The following MADD variants were observed in gnomAD, a reference collection of about 807,000 sequenced individuals.
The protein encoded by MADD is MAP kinase-activating death domain protein.
MADD carries 109 observed loss-of-function variants against 176.7 expected under a neutral mutation model. That is an observed-to-expected ratio of 0.62 (90% CI 0.53 to 0.72). MADD has a LOEUF of 0.72. Among genes scored for constraint, MADD ranks in the 30% least tolerant of loss-of-function variants. The pLI, the probability that MADD is intolerant of heterozygous loss-of-function variation, is 0.00. For missense variants in MADD, 1,914 were observed against 2,045.5 expected (o/e 0.94, Z 1.24); for synonymous variants, 771 against 771.3 (o/e 1.00, Z 0.01).
At position 47,303,239 on chromosome 11, in the gene MADD, G is replaced by GTTT. The variant is rs35658298; in HGVS notation, c.3643-5334_3643-5332dup. Reference sequence around the variant, plus strand: ...TGTGACTTAACACTTTTCTCTTGCTGTTTTTTTTTTTTTTTTTTTTGAGAC... The same window carrying GTTT: ...TGTGACTTAACACTTTTCTCTTGCTGTTTTTTTTTTTTTTTTTTTTTTTGAGAC... On this transcript the variant is annotated intron_variant, in intron 22 of 32. Coordinates refer to ENST00000402192, the Ensembl canonical transcript of MADD. 1.7e-3 allele frequency among the ~76,000 whole-genome samples: 187 copies of GTTT among 108,116 alleles called. 3 individuals carry two copies. Among genetic ancestry groups the GTTT allele is most frequent in the Non-Finnish European group, 2.7e-3 (153 of 55,986 alleles). 70.9% of individuals were successfully genotyped at this position (108,116 alleles called of 152,430 possible).
In MADD at chr11:47,272,939, C is replaced by A. The variant is rs910673907; in HGVS notation, c.-88-888C>A. ...GTAGCAGTGGCCTCTGGGCTCCTTT[C>A]TTGCCTGAAGGAGGGAGAAAAGTGG... On this transcript the variant is annotated intron_variant, in intron 1 of 32. Coordinates refer to ENST00000402192, the Ensembl canonical transcript of MADD. 7.9e-5 allele frequency among the ~76,000 whole-genome samples: 12 copies of A among 152,322 alleles called. No individual in the cohort carries two copies. In the East Asian group the frequency reaches 1.2e-3, roughly 15 times the overall value.
At chr11:47,283,566 A>G (rs2058577627) in intron 10 of MADD, among the ~76,000 whole-genome samples, 1 of 151,408 alleles carries the variant, frequency 6.6e-6, no homozygotes, top group Non-Finnish European at 1.5e-5. Flanking sequence ...TTGCCTGGCT[A>G]ATTTTTGTAT....
At chr11:47,296,200 A>G (rs745922425) in intron 22 of MADD, 145 bp downstream of exon 24, 2 of 963,608 alleles carry the variant, frequency 2.1e-6, no homozygotes, top group East Asian at 2.6e-5. Flanking sequence ...TTTAAGGAAA[A>G]CATTTCTTAA....
chr11:47,290,316 C>G lies in MADD; in HGVS notation c.3094+17C>G, dbSNP rs41313493. 6.2e-4 allele frequency: 1,006 copies of G among 1,610,588 alleles called. No homozygotes were observed. The highest frequency in any genetic ancestry group is 8.2e-4 in the Non-Finnish European group (963 of 1,177,468). ...ATAGTAAAGGTAGGGATCGTACTTGCTGGGCACCACGCCATCCCTAACTCT... is the reference window on the plus strand; with the variant it reads ...ATAGTAAAGGTAGGGATCGTACTTGGTGGGCACCACGCCATCCCTAACTCT... On this transcript the variant is annotated intron_variant, in intron 18 of 32. Coordinates refer to ENST00000402192, the Ensembl canonical transcript of MADD.
At chr11:47,280,601 G>C (rs888911172) in intron 7 of MADD, among the ~76,000 whole-genome samples, 7 of 152,134 alleles carry the variant, frequency 4.6e-5, no homozygotes, top group African/African-American at 1.4e-4. Context: ...GTCCCACTCT[G>C]TCACCCAGGC....
At chr11:47,286,987 A>T (rs1281794374) in intron 15 of MADD, among the ~76,000 whole-genome samples, 1 of 152,204 alleles carries the variant, frequency 6.6e-6, no homozygotes, top group Non-Finnish European at 1.5e-5. Flanking sequence ...CCAGGGCTTA[A>T]TGAGTGCGCC....
rs750866697 is a variant in MADD at position 47,309,422 on chromosome 11, T to C, written c.3872+21T>C. On this transcript the variant is annotated intron_variant, in intron 24 of 32. Transcript: ENST00000402192. ...GACAGGTATGGGGCTTAGGAAACCA[T>C]TGGGAATCAGCAAACTCAGCCTCCT... 1.9e-5 allele frequency: 31 copies of C among 1,614,050 alleles called. No homozygotes were observed. In the Middle Eastern group the frequency reaches 9.9e-4, roughly 52 times the overall value.
chr11:47,311,635 C>T, intron 25 of MADD, 97 bp from the exon 29 acceptor site: 2 of 755,796 alleles, frequency 2.6e-6, no homozygotes, highest in Non-Finnish European at 4.7e-6. Flanking sequence ...TTCCACTTCT[C>T]TCAGATGGTG....
At chr11:47,328,404 G>A (rs552672408) in intron 31 of MADD, 352 of 1,406,672 alleles carry the variant, frequency 2.5e-4, no homozygotes, top group South Asian at 1.5e-3. Context: ...GTAGAATCAC[G>A]GCCATCAAGT....
chr11:47,306,202 G>A (rs1185702117), intron 22 of MADD, among the ~76,000 whole-genome samples: 1 of 152,114 alleles, frequency 6.6e-6, no homozygotes, highest in Non-Finnish European at 1.5e-5. Flanking sequence ...GGGGTAGGTG[G>A]AGTGGCTCTG....
chr11:47,295,519 C>A (rs200080587), exon 21 of MADD: 3 of 1,614,054 alleles, frequency 1.9e-6, no homozygotes, highest in Non-Finnish European at 2.5e-6. Flanking sequence ...ACTCTGTCAT[C>A]GGCGTGAGTC....
At chr11:47,278,920 C>A in intron 6 of MADD, 79 bp from the exon 7 acceptor site, 1 of 1,175,306 alleles carries the variant, frequency 8.5e-7, no homozygotes, top group Non-Finnish European at 1.3e-6. Context: ...TATATACGTC[C>A]TCTTATTTTT....
chr11:47,275,162 A>T lies in MADD; in HGVS notation c.659+3A>T. Reference sequence around the variant, plus strand: ...GGCATCCCTCGAGGCGTACAAAGGTACAGTTTGCTGCTGATGCCTAATGGG... The same window carrying T: ...GGCATCCCTCGAGGCGTACAAAGGTTCAGTTTGCTGCTGATGCCTAATGGG... On this transcript the variant is annotated splice_donor_region_variant and intron_variant, in intron 3 of 32. Transcript: ENST00000402192. 4 of 1,608,350 alleles carry T rather than the reference A, an allele frequency of 2.5e-6. No homozygotes were observed. Among genetic ancestry groups the T allele is most frequent in the Non-Finnish European group, 3.4e-6 (4 of 1,177,330 alleles).
intron 27 of MADD, among the ~76,000 whole-genome samples, chr11:47,318,500 G>A (rs1371805987): frequency 6.6e-6 from 1 of 152,178 alleles, no homozygotes; most frequent in Non-Finnish European, 1.5e-5. Flanking sequence ...AGCAGAAGTG[G>A]CACATGACTC....
chr11:47,276,225 C>A, intron 4 of MADD, 23 bp downstream of exon 4: 1 of 1,576,516 alleles, frequency 6.3e-7, no homozygotes, highest in Non-Finnish European at 8.6e-7. Context: ...CTTCCTAGAC[C>A]TTTCTAGGGG....
intron 28 of MADD, 34 bp from the exon 32 acceptor site, chr11:47,324,231 C>A: frequency 6.2e-7 from 1 of 1,605,996 alleles, no homozygotes; most frequent in South Asian, 1.1e-5. Flanking sequence ...CTGGACAGCC[C>A]TCATGATGGG....
intron 22 of MADD, among the ~76,000 whole-genome samples, chr11:47,307,463 A>G (rs1442016759): frequency 6.6e-6 from 1 of 152,138 alleles, no homozygotes; most frequent in Non-Finnish European, 1.5e-5. Flanking sequence ...TTAATAAGAA[A>G]TAAATTATAT....
chr11:47,274,587 C>G, exon 3 of MADD: 1 of 1,613,192 alleles, frequency 6.2e-7, no homozygotes, highest in Non-Finnish European at 8.5e-7. Context: ...ATAGCGTGGC[C>G]CAGACTCCTG....
At chr11:47,312,673 T>C (rs915547963) in intron 26 of MADD, among the ~76,000 whole-genome samples, 3 of 152,186 alleles carry the variant, frequency 2.0e-5, no homozygotes, top group African/African-American at 7.2e-5. Flanking sequence ...TGACCTCAAG[T>C]GATCTGCCTG....
Sources: allele counts gnomAD v4.1 joint callset (sites outside exome capture counted in the v4.1 genomes callset), GRCh38; gene constraint gnomAD v4.1.1; transcripts MANE v1.5; gene names NCBI Gene and HGNC (gene_info 2026-07-23, HGNC 2026-07-21).